Variants in MAPKBP1 observed in about 807,000 individuals in gnomAD.
MAPKBP1 encodes mitogen-activated protein kinase-binding protein 1.
MAPKBP1 carries 71 observed loss-of-function variants against 170.5 expected under a neutral mutation model. The observed-to-expected ratio is 0.42, with a 90% CI of 0.34 to 0.51. The LOEUF is 0.51. Ranked by LOEUF, MAPKBP1 falls within the 20% of genes least tolerant of loss-of-function variation. The probability of loss-of-function intolerance (pLI) is 0.06; values close to 1 mark genes in which losing one functional copy is unlikely to be tolerated. For missense variants in MAPKBP1, 1,598 were observed against 1,933.0 expected (o/e 0.83, Z 3.25); for synonymous variants, 719 against 757.9 (o/e 0.95, Z 0.84).
chr15:41,824,647 A>G (rs1247999974), intron 30 of MAPKBP1, 78 bp downstream of exon 30: 1 of 1,346,592 alleles, frequency 7.4e-7, no homozygotes, highest in Non-Finnish European at 1.0e-6. Flanking sequence ...TGTCCAGAAC[A>G]GTATGCTAAG....
In MAPKBP1 at chr15:41,825,370, C is replaced by T; in HGVS notation, c.4461C>T (p.Ala1487=). Residue 1487 remains alanine (A), a synonymous_variant, in exon 31 of 31, where the codon GCC becomes GCT. Transcript: ENST00000457542. Reference sequence around the variant, plus strand: ...CTGTGGGAGCCGAGCAGACACAGGCCCTGCTGGAGCAATACTCAGAACTGT... The same window carrying T: ...CTGTGGGAGCCGAGCAGACACAGGCTCTGCTGGAGCAATACTCAGAACTGT... ...PGAVGAEQTQ[A]LLEQYSELLL... 6.2e-7 allele frequency: 1 copy of T among 1,613,534 alleles called. No homozygotes were observed. Among genetic ancestry groups the T allele is most frequent in the Non-Finnish European group, 8.5e-7 (1 of 1,179,986 alleles).
intron 5 of MAPKBP1, chr15:41,811,480 G>A: frequency 1.4e-6 from 1 of 691,910 alleles, no homozygotes; most frequent in East Asian, 2.7e-5. Flanking sequence ...TCTGGGATGG[G>A]AGTCTGAAAT....
rs748508441 is a variant in MAPKBP1 at position 41,825,551 on chromosome 15, C to G, written c.*115C>G. On this transcript the variant is annotated 3_prime_UTR_variant, in exon 31 of 31. Transcript: ENST00000457542. Reference sequence around the variant, plus strand: ...GGAGTGGAAAGCAGGGAGCAGTGTTCAGAGGCAAAGCAGCCTTCCCAGCCG... The same window carrying G: ...GGAGTGGAAAGCAGGGAGCAGTGTTGAGAGGCAAAGCAGCCTTCCCAGCCG... 59 of 928,630 alleles carry G rather than the reference C, an allele frequency of 6.4e-5. No individual in the cohort carries two copies. The highest frequency in any genetic ancestry group is 8.8e-5 in the Non-Finnish European group (56 of 635,494). The allele number at this position is 928,630 out of a possible 1,614,324, so 57.5% of individuals were successfully genotyped here.
At chr15:41,812,172 G>A in intron 6 of MAPKBP1, 45 bp downstream of exon 6, 7 of 1,609,946 alleles carry the variant, frequency 4.3e-6, no homozygotes, top group African/African-American at 1.3e-5. Context: ...CAGGGGTCAA[G>A]TGTCAGCTGG....
chr15:41,786,185 T>C (rs1206778249), intron 2 of MAPKBP1, among the ~76,000 whole-genome samples: 2 of 152,184 alleles, frequency 1.3e-5, no homozygotes, highest in South Asian at 4.1e-4. Flanking sequence ...TATGTTAGTA[T>C]ATGCATACTA....
chr15:41,778,601 G>A (rs2064133936), intron 2 of MAPKBP1, among the ~76,000 whole-genome samples: 1 of 152,208 alleles, frequency 6.6e-6, no homozygotes, highest in Non-Finnish European at 1.5e-5. Context: ...CTTAGTCTTG[G>A]TGAAGTGTGA....
chr15:41,812,165 G>C lies in MAPKBP1; in HGVS notation c.498+38G>C, dbSNP rs2064818141. ...GTGGGGTGGCCTGGCAGCCTCACAG[G>C]GGTCAAGTGTCAGCTGGGGAGGCAA... On this transcript the variant is annotated intron_variant, in intron 6 of 30. Coordinates refer to ENST00000457542, the MANE Select transcript of MAPKBP1 (RefSeq NM_014994.3). The C allele has an allele frequency of 1.9e-6, 3 of 1,611,502 alleles. No individual in the cohort carries two copies. The South Asian group carries it at 3.3e-5, about 18-fold the overall frequency.
chr15:41,826,308 GT>G lies in MAPKBP1; in HGVS notation c.*874del, dbSNP rs2065092719. On this transcript the variant is annotated 3_prime_UTR_variant, in exon 31 of 31. Transcript: ENST00000457542. ...GAATGATGCTTAGTCAGAAGCCTGTGTTGGAACATCCCTCGTTTACGGGGCG... is the reference window on the plus strand; with the variant it reads ...GAATGATGCTTAGTCAGAAGCCTGTGTGGAACATCCCTCGTTTACGGGGCG... The G allele has an allele frequency of 6.5e-6, 1 of 152,728 alleles. No individual in the cohort carries two copies. Among genetic ancestry groups the G allele is most frequent in the East Asian group, 1.9e-4 (1 of 5,190 alleles). The allele number at this position is 152,728 out of a possible 1,614,324, so 9.5% of individuals were successfully genotyped here. A position where few individuals can be genotyped will look rare whatever the true frequency, so the allele number is the denominator to read the frequency against.
At chr15:41,796,610 C>CA (rs1361049357) in intron 2 of MAPKBP1, among the ~76,000 whole-genome samples, 3 of 152,146 alleles carry the variant, frequency 2.0e-5, no homozygotes, top group African/African-American at 7.2e-5. Context: ...GCTTTTCCCC[C>CA]CCCTTGGATA....
chr15:41,782,622 A>G (rs1173260582), intron 2 of MAPKBP1, among the ~76,000 whole-genome samples: 1 of 152,172 alleles, frequency 6.6e-6, no homozygotes, highest in Non-Finnish European at 1.5e-5. Context: ...CAAGAATTCA[A>G]ATAGAGGCTT....
Position 41,810,804 on chromosome 15 carries a change from T to C in MAPKBP1, c.207-79T>C, listed in dbSNP as rs1262571039. The stretch of plus-strand genomic sequence containing the variant: ...TACCCAGCTCCCTCTGCCGGGTGAC[T>C]GGAAGTCCTGGGTGGCCTGGAGGGC... On this transcript the variant is annotated intron_variant, in intron 3 of 30. Coordinates refer to ENST00000457542, the MANE Select transcript of MAPKBP1 (RefSeq NM_014994.3). 6.8e-6 allele frequency: 8 copies of C among 1,175,108 alleles called. No homozygotes were observed. In the South Asian group the frequency reaches 7.6e-5, roughly 11 times the overall value. The allele number at this position is 1,175,108 out of a possible 1,614,324, so 72.8% of individuals were successfully genotyped here. A position where few individuals can be genotyped will look rare whatever the true frequency, so the allele number is the denominator to read the frequency against.
chr15:41,824,611 G>A (rs780489231), intron 30 of MAPKBP1, 42 bp downstream of exon 30: 2 of 1,518,892 alleles, frequency 1.3e-6, no homozygotes, highest in Non-Finnish European at 8.9e-7. Flanking sequence ...GGGCACGTCA[G>A]TAGTGCTGGG....
At chr15:41,822,143 G>C (rs746069777) in intron 25 of MAPKBP1, 33 bp downstream of exon 25, 51 of 1,592,526 alleles carry the variant, frequency 3.2e-5, no homozygotes, top group Non-Finnish European at 4.4e-5. Context: ...GGGGCCATGG[G>C]GGGTGGGGCC....
At position 41,812,646 on chromosome 15, in the gene MAPKBP1, C is replaced by A. The variant is rs200340654; in HGVS notation, c.629C>A (p.Thr210Asn). 2 of 1,601,556 alleles carry A rather than the reference C, an allele frequency of 1.2e-6. No individual in the cohort carries two copies. Among genetic ancestry groups the A allele is most frequent in the Non-Finnish European group, 1.7e-6 (2 of 1,172,598 alleles). ...TTCTGGTATCTCGATGACAGCAAGA[C>A]CTCAAAGGTGAGGTGCTGAAGCTGG... ...IKFWYLDDSK[T>N]SKVNATVPLL... Residue 210 changes from threonine to asparagine, a missense_variant, in exon 7 of 31, where the codon ACC becomes AAC. Thr to Asn is a moderately conservative substitution (Grantham distance 65). Coordinates refer to ENST00000457542, the MANE Select transcript of MAPKBP1 (RefSeq NM_014994.3).
Position 41,823,199 on chromosome 15 carries a change from C to G in MAPKBP1, c.3575C>G (p.Ser1192Cys). The G allele has an allele frequency of 3.7e-6, 6 of 1,613,594 alleles. No individual in the cohort carries two copies. The highest frequency in any genetic ancestry group is 5.1e-6 in the Non-Finnish European group (6 of 1,179,992). ...SPFSGLQKAQ[S>C]VHSLVPQERH... Reference sequence around the variant, plus strand: ...TTTTCTGGACTCCAGAAGGCCCAGTCTGTGCACAGTCTGGTGCCACAGGGT... The same window carrying G: ...TTTTCTGGACTCCAGAAGGCCCAGTGTGTGCACAGTCTGGTGCCACAGGGT... The change falls in exon 28 of 31, where the codon TCT (serine) becomes TGT (cysteine). Residue 1192 changes from serine to cysteine, a missense_variant. Transcript: ENST00000457542.
chr15:41,807,427 T>G (rs1370292215), intron 3 of MAPKBP1, among the ~76,000 whole-genome samples: 1 of 152,218 alleles, frequency 6.6e-6, no homozygotes, highest in Non-Finnish European at 1.5e-5. Context: ...AACTTGCAAA[T>G]AGATCCCAGT....
intron 20 of MAPKBP1, 41 bp from the exon 21 acceptor site, chr15:41,819,205 T>G: frequency 1.2e-6 from 2 of 1,605,516 alleles, no homozygotes; most frequent in East Asian, 2.2e-5. Flanking sequence ...CTCCCCCTAT[T>G]GAGTCTCCTC....
At chr15:41,780,088 G>GT (rs1567132031) in intron 2 of MAPKBP1, among the ~76,000 whole-genome samples, 1 of 152,190 alleles carries the variant, frequency 6.6e-6, no homozygotes, top group Non-Finnish European at 1.5e-5. Flanking sequence ...CAGGCTGGGA[G>GT]TTGTCTTTCG....
At chr15:41,819,189 C>G (rs1327768228) in intron 20 of MAPKBP1, 57 bp from the exon 21 acceptor site, 1 of 1,588,152 alleles carries the variant, frequency 6.3e-7, no homozygotes, top group Non-Finnish European at 8.6e-7. Flanking sequence ...CCCCACTGAG[C>G]CTCCTCTCCC....
Sources: gnomAD v4.1 joint callset for allele counts (sites outside exome capture counted in the v4.1 genomes callset) on GRCh38, gnomAD v4.1.1 for gene constraint, MANE v1.5 for transcripts, NCBI Gene and HGNC (gene_info 2026-07-23, HGNC 2026-07-21) for gene names.